The following FIG4 variants were observed in gnomAD, a reference collection of about 807,000 sequenced individuals.
FIG4 encodes FIG4 phosphoinositide 5-phosphatase.
In FIG4, 112 loss-of-function variants were observed where a neutral mutation model predicts 118.6. The ratio of observed to expected loss-of-function variants is 0.94; its 90% CI spans 0.81 to 1.11. FIG4 has a LOEUF of 1.11. Among genes scored for constraint, FIG4 ranks in the 50% least tolerant of loss-of-function variants. The probability of loss-of-function intolerance (pLI) is 0.00; values close to 1 mark genes in which losing one functional copy is unlikely to be tolerated. For synonymous variants in FIG4, 369 were observed against 381.2 expected (o/e 0.97, Z 0.37); for missense variants, 969 against 1,111.7 (o/e 0.87, Z 1.83).
At chr6:109,804,274 A>G (rs1031304850) in intron 22 of FIG4, among the ~76,000 whole-genome samples, 2 of 152,140 alleles carry the variant, frequency 1.3e-5, no homozygotes, top group Non-Finnish European at 2.9e-5. Context: ...TTACCAAATT[A>G]TCATCAGTTT....
At chr6:109,728,011 A>T (rs546717728) in intron 4 of FIG4, among the ~76,000 whole-genome samples, 26 of 152,314 alleles carry the variant, frequency 1.7e-4, no homozygotes, top group African/African-American at 6.3e-4. Flanking sequence ...TCACACAAAG[A>T]TCTAAAGGGC....
At chr6:109,741,645 T>C in intron 8 of FIG4, 101 bp downstream of exon 8, 1 of 831,028 alleles carries the variant, frequency 1.2e-6, no homozygotes, top group South Asian at 1.4e-5. Context: ...ATTTCTTAGT[T>C]TGGGATATTA....
chr6:109,741,554 C>CAG lies in FIG4; in HGVS notation c.876+11_876+12insGA. On this transcript the variant is annotated intron_variant, in intron 8 of 22. Transcript: ENST00000230124. The stretch of plus-strand genomic sequence containing the variant: ...AGGTGCAAACTGTGAGGTAAGATGA[C>CAG]AAACAGTATCTTCACTGACCTTTTA... 1 of 1,503,958 alleles carries CAG rather than the reference C, an allele frequency of 6.6e-7. No individual in the cohort carries two copies. The highest frequency in any genetic ancestry group is 9.3e-7 in the Non-Finnish European group (1 of 1,079,624). 93.2% of individuals were successfully genotyped at this position (1,503,958 alleles called of 1,614,324 possible).
chr6:109,732,828 G>A (rs1346276648), intron 5 of FIG4, 141 bp downstream of exon 5: 4 of 583,730 alleles, frequency 6.9e-6, no homozygotes, highest in African/African-American at 3.8e-5. Context: ...TTAAAATATA[G>A]CTATTTCTTC....
chr6:109,692,229 C>T (rs1428831895), intron 1 of FIG4, among the ~76,000 whole-genome samples: 1 of 152,168 alleles, frequency 6.6e-6, no homozygotes, highest in African/African-American at 2.4e-5. Context: ...GGGTGGAAAG[C>T]AAAGTTGGTA....
intron 15 of FIG4, among the ~76,000 whole-genome samples, chr6:109,768,756 G>T (rs1777358195): frequency 6.6e-6 from 1 of 152,116 alleles, no homozygotes; most frequent in Non-Finnish European, 1.5e-5. Flanking sequence ...TATTTCTTTG[G>T]TCAGGAGCAA....
intron 16 of FIG4, among the ~76,000 whole-genome samples, chr6:109,778,088 C>G (rs1160560990): frequency 6.6e-6 from 1 of 152,126 alleles, no homozygotes; most frequent in Non-Finnish European, 1.5e-5. Flanking sequence ...CCATTGCACT[C>G]AAAGGCCTCT....
intron 21 of FIG4, among the ~76,000 whole-genome samples, chr6:109,794,287 A>G (rs1778216917): frequency 6.6e-6 from 1 of 152,196 alleles, no homozygotes; most frequent in Non-Finnish European, 1.5e-5. Context: ...TTAGTGCCTT[A>G]TCCAGGAGTC....
chr6:109,812,518 TAGG>T (rs1024159594), intron 22 of FIG4, among the ~76,000 whole-genome samples: 2 of 152,060 alleles, frequency 1.3e-5, no homozygotes, highest in African/African-American at 4.8e-5. Context: ...AAGAGGGAAA[TAGG>T]AGGAAACTCA....
At chr6:109,743,018 T>C (rs900087634) in intron 8 of FIG4, 92 bp from the exon 9 acceptor site, 2 of 1,132,080 alleles carry the variant, frequency 1.8e-6, no homozygotes, top group African/African-American at 1.5e-5. Context: ...TATAACTTCA[T>C]TGAAAGAATA....
intron 5 of FIG4, among the ~76,000 whole-genome samples, chr6:109,733,845 C>T (rs1332383946): frequency 6.6e-6 from 1 of 151,886 alleles, no homozygotes; most frequent in Non-Finnish European, 1.5e-5. Context: ...CTTCATATTT[C>T]TCAGTTTTGT....
chr6:109,713,432 G>T (rs1249857441), intron 1 of FIG4, among the ~76,000 whole-genome samples: 2 of 152,184 alleles, frequency 1.3e-5, no homozygotes, highest in Non-Finnish European at 2.9e-5. Context: ...GCAGGCAGTG[G>T]TGGTCACTGA....
intron 16 of FIG4, among the ~76,000 whole-genome samples, chr6:109,778,287 C>G (rs967943247): frequency 6.8e-6 from 1 of 148,132 alleles, no homozygotes; most frequent in Non-Finnish European, 1.5e-5. Flanking sequence ...ATGGTGAAAC[C>G]CCATCTCTAC....
chr6:109,819,310 A>G (rs1778942865), intron 22 of FIG4, among the ~76,000 whole-genome samples: 1 of 152,256 alleles, frequency 6.6e-6, no homozygotes, highest in Non-Finnish European at 1.5e-5. Context: ...CTCAGATAGT[A>G]GAGTGAGGTC....
intron 22 of FIG4, among the ~76,000 whole-genome samples, chr6:109,822,029 G>A (rs1779020045): frequency 6.6e-6 from 1 of 152,132 alleles, no homozygotes; most frequent in African/African-American, 2.4e-5. Context: ...GATACAGGAA[G>A]ACCCTGTGTC....
intron 2 of FIG4, among the ~76,000 whole-genome samples, chr6:109,716,058 G>A (rs533949513): frequency 8.7e-4 from 133 of 152,196 alleles, no homozygotes; most frequent in African/African-American, 3.2e-3. Flanking sequence ...CGGAGCAATT[G>A]GTCAGAGAGC....
At chr6:109,744,440 A>C (rs1776420400) in intron 10 of FIG4, among the ~76,000 whole-genome samples, 1 of 151,356 alleles carries the variant, frequency 6.6e-6, no homozygotes, top group African/African-American at 2.4e-5. Context: ...GAATTGAAAG[A>C]CTCTCAGTCA....
intron 19 of FIG4, among the ~76,000 whole-genome samples, chr6:109,790,580 T>A (rs763091336): frequency 1.6e-4 from 25 of 152,248 alleles, no homozygotes; most frequent in Non-Finnish European, 3.4e-4. Flanking sequence ...TTCTGCAATA[T>A]CTAACCCATG....
chr6:109,727,286 CT>C (rs11459279), intron 4 of FIG4, 21 bp downstream of exon 4: 4,441 of 1,324,050 alleles, frequency 3.4e-3, no homozygotes, highest in South Asian at 4.9e-3. Context: ...TGGTAACTAC[CT>C]TTTTTTTTTT....
Sources: allele counts gnomAD v4.1 joint callset (sites outside exome capture counted in the v4.1 genomes callset), GRCh38; gene constraint gnomAD v4.1.1; transcripts MANE v1.5; gene names NCBI Gene and HGNC (gene_info 2026-07-23, HGNC 2026-07-21).